The following KDM4B variants were observed in gnomAD, a reference collection of about 807,000 sequenced individuals.
The protein encoded by KDM4B is lysine demethylase 4B, also known as lysine-specific demethylase 4B.
In KDM4B, 32 loss-of-function variants were observed where a neutral mutation model predicts 125.2. The observed-to-expected ratio is 0.26, with a 90% confidence interval of 0.19 to 0.34. The LOEUF (loss-of-function observed/expected upper bound fraction) is 0.34, where lower values mean the gene tolerates loss of function less well. Among genes scored for constraint, KDM4B ranks in the 10% least tolerant of loss-of-function variants. The pLI is 1.00. For missense variants in KDM4B, 1,190 were observed against 1,577.7 expected (o/e 0.75, Z 4.16); for synonymous variants, 721 against 677.9 (o/e 1.06, Z -0.99).
chr19:5,065,877 G>A (rs1036765969), intron 6 of KDM4B, among the ~76,000 whole-genome samples: 19 of 152,198 alleles, frequency 1.2e-4, no homozygotes, highest in Admixed American at 1.2e-3. Context: ...AGGCTGTCGG[G>A]GCCTCGCAGC....
At chr19:5,010,387 C>T (rs184177185) in intron 1 of KDM4B, among the ~76,000 whole-genome samples, 1,909 of 152,238 alleles carry the variant, frequency 0.013, 36 homozygotes, top group African/African-American at 0.043. Flanking sequence ...TGACCGTGGC[C>T]GCCTGGCTGA....
chr19:5,015,799 T>G (rs1314385926), intron 1 of KDM4B, among the ~76,000 whole-genome samples: 1 of 152,258 alleles, frequency 6.6e-6, no homozygotes, highest in East Asian at 1.9e-4. Flanking sequence ...GTTCAACGCC[T>G]GGGCTGTGCC....
intron 7 of KDM4B, chr19:5,076,012 C>T (rs1343053042): frequency 2.8e-5 from 5 of 177,952 alleles, no homozygotes; most frequent in African/African-American, 9.6e-5. Flanking sequence ...GGTTCTAGAA[C>T]ATCAGCTCCG....
chr19:4,980,054 G>A (rs2034582252), intron 1 of KDM4B, among the ~76,000 whole-genome samples: 1 of 151,982 alleles, frequency 6.6e-6, no homozygotes, highest in Non-Finnish European at 1.5e-5. Context: ...GCAGTGAGCT[G>A]AGATCATGCC....
chr19:5,129,710 A>G (rs965086669), intron 11 of KDM4B, among the ~76,000 whole-genome samples: 4 of 152,218 alleles, frequency 2.6e-5, no homozygotes, highest in Non-Finnish European at 4.4e-5. Flanking sequence ...TCCTCCTTCC[A>G]GAATGTCCCA....
intron 11 of KDM4B, among the ~76,000 whole-genome samples, chr19:5,126,418 G>C (rs577144077): frequency 6.6e-6 from 1 of 152,162 alleles, no homozygotes; most frequent in Non-Finnish European, 1.5e-5. Flanking sequence ...GGGAGGCCCC[G>C]CCTCCTGGAA....
rs184655504 is a variant in KDM4B at position 5,054,300 on chromosome 19, C to T, written c.626+6631C>T. On this transcript the variant is annotated intron_variant, in intron 6 of 22. Coordinates refer to ENST00000159111, the MANE Select transcript of KDM4B (RefSeq NM_015015.3). ...CTCCCCGTGTTGCCTGGGCTGGTCT[C>T]GAACTCCTGGGATCAAATGATGCTC... is the stretch of plus-strand genomic sequence containing the variant. 2.6e-5 allele frequency among the ~76,000 whole-genome samples: 4 copies of T among 152,262 alleles called. No homozygotes were observed. The East Asian group carries it at 7.7e-4, about 29-fold the overall frequency.
At chr19:5,084,717 G>A (rs1381777222) in intron 9 of KDM4B, among the ~76,000 whole-genome samples, 1 of 150,430 alleles carries the variant, frequency 6.6e-6, no homozygotes, top group Non-Finnish European at 1.5e-5. Flanking sequence ...GGGAGGCTGA[G>A]GCGGGAGGAT....
chr19:5,137,266 C>T lies in KDM4B; in HGVS notation c.2313C>T (p.Cys771=). Reference sequence around the variant, plus strand: ...CCAGCCCCCGCTGTCTTCCAGGTTGCTATGGCATCCGTCCCGAGCTGGTCA... The same window carrying T: ...CCAGCCCCCGCTGTCTTCCAGGTTGTTATGGCATCCGTCCCGAGCTGGTCA... ...GKCCLQVHAS[C]YGIRPELVNE... The change falls in exon 16 of 23, where the codon TGC becomes TGT. Residue 771 remains cysteine (C), a synonymous_variant. Transcript: ENST00000159111. The T allele has an allele frequency of 1.3e-6, 2 of 1,572,230 alleles. No homozygotes were observed. The highest frequency in any genetic ancestry group is 2.3e-5 in the East Asian group (1 of 42,926).
chr19:5,005,533 G>A (rs896310827), intron 1 of KDM4B, among the ~76,000 whole-genome samples: 10 of 152,106 alleles, frequency 6.6e-5, no homozygotes, highest in African/African-American at 2.4e-4. Flanking sequence ...GGAAACTGAG[G>A]CCCCAGAGGT....
At chr19:5,013,148 C>T (rs973912874) in intron 1 of KDM4B, among the ~76,000 whole-genome samples, 2 of 152,230 alleles carry the variant, frequency 1.3e-5, no homozygotes, top group African/African-American at 4.8e-5. Flanking sequence ...TAGCACCGGG[C>T]TGAGGTCTGT....
intron 13 of KDM4B, among the ~76,000 whole-genome samples, chr19:5,132,837 G>A (rs1170206010): frequency 6.6e-6 from 1 of 152,182 alleles, no homozygotes; most frequent in Admixed American, 6.5e-5. Context: ...GCAGCCAGTG[G>A]CTCTGTTCTC....
At chr19:5,032,196 G>C (rs562268373) in intron 2 of KDM4B, among the ~76,000 whole-genome samples, 1 of 152,244 alleles carries the variant, frequency 6.6e-6, no homozygotes, top group Non-Finnish European at 1.5e-5. Context: ...GGCGGGTGCC[G>C]TCAGTGAATC....
chr19:5,043,754 C>CCT (rs2036920923), intron 5 of KDM4B, among the ~76,000 whole-genome samples: 1 of 138,618 alleles, frequency 7.2e-6, no homozygotes, highest in Non-Finnish European at 1.5e-5. Flanking sequence ...GGGGTGTCCA[C>CCT]TGTATCCCGC....
intron 11 of KDM4B, among the ~76,000 whole-genome samples, chr19:5,128,859 G>GC (rs1491446079): frequency 1.6e-3 from 219 of 137,714 alleles, no homozygotes; most frequent in African/African-American, 5.6e-3. Flanking sequence ...GAGGCGGGGG[G>GC]CGGGGGGGGG....
chr19:5,132,510 G>A (rs2039576417), intron 13 of KDM4B, among the ~76,000 whole-genome samples: 1 of 152,144 alleles, frequency 6.6e-6, no homozygotes, highest in Non-Finnish European at 1.5e-5. Context: ...TGGTCTGGAT[G>A]GCGTCTTTCA....
rs779649312 is a variant in KDM4B, at chr19:5,137,669, G to A, written c.2434G>A (p.Asp812Asn). The change falls in exon 17 of 23, where the codon GAT becomes AAT. Residue 812 changes from aspartate to asparagine, a missense_variant. Around this residue, in one of 7 missense-constraint regions of KDM4B, gnomAD observed 298 missense variants for 439.7 expected, o/e 0.68. Transcript: ENST00000159111. ...AGGAGGTGCGCTGCAGATGACCACC[G>A]ATAGGAGGTGGGTGGCACCGCGCGT... is the stretch of plus-strand genomic sequence containing the variant. The part of the protein sequence containing the change: ...LRGGALQMTT[D>N]RRWIHVICAI... 33 of 1,590,894 alleles carry A rather than the reference G, an allele frequency of 2.1e-5. No individual in the cohort carries two copies. Among genetic ancestry groups the A allele is most frequent in the Middle Eastern group, 1.7e-4 (1 of 5,818 alleles).
intron 9 of KDM4B, among the ~76,000 whole-genome samples, chr19:5,095,361 C>T (rs190869481): frequency 2.9e-4 from 44 of 152,324 alleles, no homozygotes; most frequent in African/African-American, 1.0e-3. Flanking sequence ...TGTCTTCTCT[C>T]TGCCACTCTA....
At chr19:4,990,051 G>A (rs1409245243) in intron 1 of KDM4B, among the ~76,000 whole-genome samples, 1 of 152,068 alleles carries the variant, frequency 6.6e-6, no homozygotes, top group Non-Finnish European at 1.5e-5. Context: ...GCGCTTTGGG[G>A]GGCTGAGGTG....
Sources: allele counts gnomAD v4.1 joint callset (sites outside exome capture counted in the v4.1 genomes callset), GRCh38; gene constraint gnomAD v4.1.1; regional missense constraint gnomAD v4.1.1; transcripts MANE v1.5; gene names NCBI Gene and HGNC (gene_info 2026-07-23, HGNC 2026-07-21).